The following CSPP1 variants were observed in gnomAD, a reference collection of about 807,000 sequenced individuals.
CSPP1 encodes centrosome and spindle pole-associated protein 1.
In CSPP1, 126 loss-of-function variants were observed where a neutral mutation model predicts 164.4. That is an observed-to-expected ratio of 0.77 (90% CI 0.66 to 0.89). The LOEUF (loss-of-function observed/expected upper bound fraction) is 0.89, where lower values mean the gene tolerates loss of function less well. Among genes scored for constraint, CSPP1 ranks in the 40% least tolerant of loss-of-function variants. CSPP1 has a pLI of 0.00. For synonymous variants in CSPP1, 472 were observed against 476.7 expected (o/e 0.99, Z 0.13); for missense variants, 1,395 against 1,449.8 (o/e 0.96, Z 0.61).
intron 18 of CSPP1, among the ~76,000 whole-genome samples, chr8:67,152,228 C>T (rs1825852067): frequency 2.0e-5 from 3 of 151,896 alleles, no homozygotes; most frequent in Non-Finnish European, 4.4e-5. Context: ...CACACAGACA[C>T]ACATATCTTT....
chr8:67,158,435 T>G lies in CSPP1; in HGVS notation c.2242-12T>G. 1 of 1,566,934 alleles carries G rather than the reference T, an allele frequency of 6.4e-7. No homozygotes were observed. The highest frequency in any genetic ancestry group is 1.2e-5 in the South Asian group (1 of 83,780). ...AGTTTTACAAGATAAATAACTAAGTTTAATTCTTTAGATTGAGGAAAAGAA... is the reference window on the plus strand; with the variant it reads ...AGTTTTACAAGATAAATAACTAAGTGTAATTCTTTAGATTGAGGAAAAGAA... On this transcript the variant is annotated splice_polypyrimidine_tract_variant and intron_variant, in intron 19 of 30. Transcript: ENST00000678616.
rs1420249213 is a variant in CSPP1, at chr8:67,149,804, G to A, written c.1997G>A (p.Arg666Lys). 5.0e-6 allele frequency: 8 copies of A among 1,591,882 alleles called. No individual in the cohort carries two copies. The highest frequency in any genetic ancestry group is 1.4e-5 in the African/African-American group (1 of 73,750). The change falls in exon 18 of 31, where the codon AGA (arginine) becomes AAA (lysine). Residue 666 changes from arginine (R) to lysine (K), a missense_variant. Transcript: ENST00000678616. ...NLITDLNRMH[R>K]QNIDAYHNPD... ...TCAGCTGATTTGAATAGGATGCACA[G>A]ACAAAATATAGATGCCTACCATAAC...
At chr8:67,162,125 C>T (rs1828482602) in intron 22 of CSPP1, among the ~76,000 whole-genome samples, 1 of 152,080 alleles carries the variant, frequency 6.6e-6, no homozygotes, top group African/African-American at 2.4e-5. Flanking sequence ...ATAATTTAGC[C>T]CCTCAAGCTA....
chr8:67,135,919 T>A (rs952946660), intron 16 of CSPP1: 3 of 152,228 alleles, frequency 2.0e-5, no homozygotes, highest in African/African-American at 7.2e-5. Context: ...CATTGTAGGG[T>A]TATTATTTGG....
intron 15 of CSPP1, among the ~76,000 whole-genome samples, chr8:67,122,697 GTGTAT>G (rs1367394072): frequency 6.6e-6 from 1 of 152,084 alleles, no homozygotes; most frequent in African/African-American, 2.4e-5. Flanking sequence ...TGAGAAGAAT[GTGTAT>G]TGTCCTGTTG....
rs527780835 is a variant in CSPP1 at position 67,068,748 on chromosome 8, T to C, written c.-11+4210T>C. Among the ~76,000 whole-genome samples the C allele has an allele frequency of 7.2e-5, 11 of 152,380 alleles. 1 individual carries two copies. Among genetic ancestry groups the C allele is most frequent in the African/African-American group, 2.2e-4 (9 of 41,596 alleles). On this transcript the variant is annotated intron_variant, in intron 1 of 30. Coordinates refer to ENST00000678616, the MANE Select transcript of CSPP1 (RefSeq NM_001382391.1). ...CATTCACAGTAACTTTGTGTTTTTCTGTTGAAGATAAACTATTGTACAGAA... is the reference window on the plus strand; with the variant it reads ...CATTCACAGTAACTTTGTGTTTTTCCGTTGAAGATAAACTATTGTACAGAA...
chr8:67,111,134 C>T (rs2129549385), intron 9 of CSPP1, among the ~76,000 whole-genome samples: 1 of 152,072 alleles, frequency 6.6e-6, no homozygotes, highest in East Asian at 1.9e-4. Flanking sequence ...ATTCTTGATA[C>T]CCTGTGATTT....
chr8:67,170,033 G>T (rs1449748735), intron 24 of CSPP1, among the ~76,000 whole-genome samples: 1 of 152,120 alleles, frequency 6.6e-6, no homozygotes, highest in Admixed American at 6.5e-5. Flanking sequence ...TGAGCCACAG[G>T]GCCCTGCCTA....
At chr8:67,180,015 CAAGGTAGTAAAAAAAA>C in intron 28 of CSPP1, 89 bp downstream of exon 28, 4 of 609,982 alleles carry the variant, frequency 6.6e-6, no homozygotes, top group South Asian at 2.4e-5. Context: ...CCTTGTTGTA[CAAGGTAGTAAAAAAAA>C]AAAAAGGAAT....
At chr8:67,146,731 G>A (rs1198223220) in intron 17 of CSPP1, among the ~76,000 whole-genome samples, 1 of 152,120 alleles carries the variant, frequency 6.6e-6, no homozygotes, top group Non-Finnish European at 1.5e-5. Flanking sequence ...ATAAAGAGTA[G>A]CAGCTAACTT....
chr8:67,093,445 G>C, intron 5 of CSPP1, 98 bp from the exon 6 acceptor site: 1 of 700,362 alleles, frequency 1.4e-6, no homozygotes. Context: ...TAAGAGTTCT[G>C]ATATGTATGA....
At chr8:67,137,303 A>C (rs774606997) in intron 16 of CSPP1, among the ~76,000 whole-genome samples, 153 bp from the exon 17 acceptor site, 17 of 151,788 alleles carry the variant, frequency 1.1e-4, no homozygotes, top group Non-Finnish European at 2.1e-4. Flanking sequence ...TATATTTGTG[A>C]TTTTAACCTT....
chr8:67,065,967 G>A (rs973815364), intron 1 of CSPP1, among the ~76,000 whole-genome samples: 5 of 152,170 alleles, frequency 3.3e-5, no homozygotes, highest in Admixed American at 3.3e-4. Context: ...TTACACATTT[G>A]AGCAGATTTC....
At chr8:67,189,191 T>G (rs1180830299) in intron 28 of CSPP1, among the ~76,000 whole-genome samples, 1 of 152,220 alleles carries the variant, frequency 6.6e-6, no homozygotes, top group Non-Finnish European at 1.5e-5. Context: ...GTAGTCAATT[T>G]TGGAAGACAG....
intron 10 of CSPP1, 142 bp downstream of exon 10, chr8:67,112,207 T>A: frequency 2.7e-6 from 1 of 369,150 alleles, no homozygotes; most frequent in South Asian, 4.5e-5. Context: ...ACATGCTAAA[T>A]CAACAAGGAA....
At chr8:67,187,654 A>G (rs1455675010) in intron 28 of CSPP1, among the ~76,000 whole-genome samples, 1 of 152,208 alleles carries the variant, frequency 6.6e-6, no homozygotes, top group Admixed American at 6.5e-5. Context: ...ACTAAACTCC[A>G]GCCTGGGCAA....
At chr8:67,110,547 C>CA (rs1180463245) in intron 9 of CSPP1, among the ~76,000 whole-genome samples, 1 of 152,206 alleles carries the variant, frequency 6.6e-6, no homozygotes, top group Admixed American at 6.5e-5. Flanking sequence ...TAGCACACTG[C>CA]AAAGTCTGAA....
At chr8:67,180,013 T>A in intron 28 of CSPP1, 87 bp downstream of exon 28, 1 of 661,804 alleles carries the variant, frequency 1.5e-6, no homozygotes, top group Non-Finnish European at 2.5e-6. Context: ...TTCCTTGTTG[T>A]ACAAGGTAGT....
Position 67,148,266 on chromosome 8 carries a change from TTACCTTCTACAGAACAAAA to T in CSPP1, c.1976-1515_1976-1497del, listed in dbSNP as rs1162693164. On this transcript the variant is annotated intron_variant, in intron 17 of 30. Transcript: ENST00000678616. The stretch of plus-strand genomic sequence containing the variant: ...TCTGTAACAACCACAACTGCCTCCA[TTACCTTCTACAGAACAAAA>T]TTGAGAGCCATTGACATGTGTTTTA... 3.9e-5 allele frequency among the ~76,000 whole-genome samples: 6 copies of T among 152,162 alleles called. No homozygotes were observed. In the East Asian group the frequency reaches 1.2e-3, roughly 29 times the overall value.
Sources: allele counts gnomAD v4.1 joint callset (sites outside exome capture counted in the v4.1 genomes callset), GRCh38; gene constraint gnomAD v4.1.1; transcripts MANE v1.5; gene names NCBI Gene and HGNC (gene_info 2026-07-23, HGNC 2026-07-21).